Variants in WDR27 observed in about 807,000 individuals in gnomAD.
WDR27 encodes WD repeat domain 27.
Under a neutral mutation model 114.4 loss-of-function variants are expected in WDR27, and 100 were observed. That is an observed-to-expected ratio of 0.87 (90% CI 0.74 to 1.03). The LOEUF (loss-of-function observed/expected upper bound fraction) is 1.03, where lower values mean the gene tolerates loss of function less well. WDR27 is among the 50% of genes least tolerant of loss of function. The pLI is 0.00. For missense variants in WDR27, 1,129 were observed against 1,092.9 expected, an observed-to-expected ratio of 1.03 and a Z score of -0.47; for synonymous variants, 449 against 423.1, an observed-to-expected ratio of 1.06 and a Z score of -0.75.
the WDR27 span, among the ~76,000 whole-genome samples, chr6:169,437,130 T>C: frequency 1.3e-5 from 2 of 152,164 alleles, no homozygotes; most frequent in Admixed American, 6.5e-5. Flanking sequence ...ATTGTTCCAA[T>C]ATTTTAAAAA....
At chr6:169,486,569 G>A (rs1788939605) in intron 25 of WDR27, among the ~76,000 whole-genome samples, 1 of 152,146 alleles carries the variant, frequency 6.6e-6, no homozygotes, top group African/African-American at 2.4e-5. Context: ...TCGGCTCACT[G>A]CAACCTCCAC....
At chr6:169,617,040 C>A (rs534088951) in intron 21 of WDR27, among the ~76,000 whole-genome samples, 2 of 152,138 alleles carry the variant, frequency 1.3e-5, no homozygotes, top group African/African-American at 4.8e-5. Context: ...AAGAGGCTAA[C>A]GCTAGGCTCA....
At chr6:169,535,432 T>A (rs774759675) in intron 25 of WDR27, among the ~76,000 whole-genome samples, 7 of 152,158 alleles carry the variant, frequency 4.6e-5, no homozygotes, top group Admixed American at 2.6e-4. Flanking sequence ...CACACAGGAA[T>A]ACCATGAAGG....
chr6:169,652,476 T>G lies in WDR27; in HGVS notation c.1403-468A>C, dbSNP rs113729608. On this transcript the variant is annotated intron_variant, in intron 13 of 25. Coordinates refer to ENST00000448612, the MANE Select transcript of WDR27 (RefSeq NM_182552.5). ...GTTGGTCAGGATGGTCTTGAACGCC[T>G]GACCTCGTGATCCACCTGCCGCAGC... Among the ~76,000 whole-genome samples, 1,311 of 152,336 alleles carry G rather than the reference T, an allele frequency of 8.6e-3. 13 individuals are homozygous for G. The highest frequency in any genetic ancestry group is 0.03 in the African/African-American group (1,235 of 41,568).
At chr6:169,481,480 C>G (rs949351698) in intron 25 of WDR27, among the ~76,000 whole-genome samples, 1 of 152,224 alleles carries the variant, frequency 6.6e-6, no homozygotes, top group Admixed American at 6.5e-5. Context: ...AAACCTTGTT[C>G]TTTCACTCTT....
intron 23 of WDR27, among the ~76,000 whole-genome samples, chr6:169,590,079 A>G (rs1805433551): frequency 6.6e-6 from 1 of 152,270 alleles, no homozygotes; most frequent in South Asian, 2.1e-4. Context: ...TGAATGTACT[A>G]CTGAAGAAGA....
chr6:169,459,033 G>A (rs1784610464), intron 25 of WDR27, among the ~76,000 whole-genome samples: 1 of 152,076 alleles, frequency 6.6e-6, no homozygotes, highest in African/African-American at 2.4e-5. Context: ...CAACTGTCAA[G>A]TTTTCAATTA....
chr6:169,634,366 C>T, intron 20 of WDR27, 62 bp downstream of exon 20: 1 of 1,259,314 alleles, frequency 7.9e-7, no homozygotes. Context: ...TCAGCACATG[C>T]CTCTGCCAGA....
the WDR27 span, among the ~76,000 whole-genome samples, chr6:169,448,497 C>A: frequency 4.6e-5 from 7 of 152,008 alleles, no homozygotes; most frequent in African/African-American, 1.7e-4. Flanking sequence ...ATGTGCAAGG[C>A]ACACACCTGT....
At chr6:169,485,380 C>T (rs1298743162) in intron 25 of WDR27, among the ~76,000 whole-genome samples, 1 of 152,140 alleles carries the variant, frequency 6.6e-6, no homozygotes, top group Non-Finnish European at 1.5e-5. Context: ...TTTCAAAAGA[C>T]ATACATATGG....
intron 24 of WDR27, among the ~76,000 whole-genome samples, chr6:169,577,124 G>A (rs1181048633): frequency 1.3e-5 from 2 of 151,934 alleles, no homozygotes; most frequent in African/African-American, 4.8e-5. Flanking sequence ...CAAGAGGGAC[G>A]CCAGCGGTGA....
At chr6:169,555,106 T>C (rs1798689503) in intron 25 of WDR27, among the ~76,000 whole-genome samples, 1 of 152,164 alleles carries the variant, frequency 6.6e-6, no homozygotes, top group South Asian at 2.1e-4. Context: ...TATTCTTCCC[T>C]TGAATAACTA....
intron 25 of WDR27, among the ~76,000 whole-genome samples, chr6:169,508,856 C>G (rs1265739907): frequency 3.9e-5 from 6 of 152,178 alleles, no homozygotes. Context: ...ACTTTATTCA[C>G]TCTGGTATAT....
rs763059214 is a variant in WDR27 at position 169,651,183 on chromosome 6, C to CGGG, written c.1481+744_1481+746dup. On this transcript the variant is annotated intron_variant, in intron 14 of 25. Coordinates refer to ENST00000448612, the MANE Select transcript of WDR27 (RefSeq NM_182552.5). ...CTGCCTGGAGCACAGCAGTGCGGGGCGGGGGGGGGGAGTGGGGGAGTGGGG... is the reference window on the plus strand; with the variant it reads ...CTGCCTGGAGCACAGCAGTGCGGGGCGGGGGGGGGGGGGAGTGGGGGAGTGGGG... 3.2e-3 allele frequency among the ~76,000 whole-genome samples: 25 copies of CGGG among 7,724 alleles called. 1 individual carries two copies. Among genetic ancestry groups the CGGG allele is most frequent in the South Asian group, 0.015 (3 of 194 alleles). 5.1% of individuals were successfully genotyped at this position (7,724 alleles called of 152,430 possible).
Position 169,663,102 on chromosome 6 carries a change from CA to C in WDR27, c.905-679del, listed in dbSNP as rs528126286. ...CGCATCGAGGAAAGCACTAAGGTAA[CA>C]CCCAGCATGACGCTACCTGGGAGCA... On this transcript the variant is annotated intron_variant, in intron 8 of 25. Coordinates refer to ENST00000448612, the MANE Select transcript of WDR27 (RefSeq NM_182552.5). Among the ~76,000 whole-genome samples, 93 of 152,348 alleles carry C rather than the reference CA, an allele frequency of 6.1e-4. 1 individual carries two copies. The South Asian group carries it at 0.018, about 29-fold the overall frequency.
chr6:169,638,273 G>A (rs1339060319), intron 18 of WDR27, among the ~76,000 whole-genome samples: 1 of 119,498 alleles, frequency 8.4e-6, no homozygotes, highest in Non-Finnish European at 1.6e-5. Flanking sequence ...CCGAGATTGC[G>A]CCACTGCAGT....
intron 25 of WDR27, among the ~76,000 whole-genome samples, chr6:169,491,767 A>G (rs1019795828): frequency 6.6e-6 from 1 of 152,162 alleles, no homozygotes; most frequent in Non-Finnish European, 1.5e-5. Context: ...CAGCAGGTCC[A>G]AGGAGACACT....
chr6:169,682,315 C>T (rs1044347210), intron 2 of WDR27, among the ~76,000 whole-genome samples: 1 of 152,210 alleles, frequency 6.6e-6, no homozygotes, highest in African/African-American at 2.4e-5. Flanking sequence ...TCCCATTCCT[C>T]ACCTGTGCAG....
intron 1 of WDR27, among the ~76,000 whole-genome samples, chr6:169,695,059 G>A (rs1785516695): frequency 6.6e-6 from 1 of 152,230 alleles, no homozygotes; most frequent in Non-Finnish European, 1.5e-5. Flanking sequence ...CAAACAGGAT[G>A]TGGATGCTAA....
Sources: gnomAD v4.1 joint callset for allele counts (sites outside exome capture counted in the v4.1 genomes callset) on GRCh38, gnomAD v4.1.1 for gene constraint, MANE v1.5 for transcripts, NCBI Gene and HGNC (gene_info 2026-07-23, HGNC 2026-07-21) for gene names.